Variants in ARRDC5 observed in about 807,000 individuals in gnomAD.
ARRDC5 encodes arrestin domain-containing protein 5.
In ARRDC5, 12 loss-of-function variants were observed where a neutral mutation model predicts 13.3. The ratio of observed to expected loss-of-function variants is 0.90; its 90% CI spans 0.58 to 1.46. The LOEUF (loss-of-function observed/expected upper bound fraction) is 1.46. Among genes scored for constraint, ARRDC5 ranks in the 40% most tolerant of loss-of-function variants. The pLI is 0.00. For missense variants in ARRDC5, 406 were observed against 418.7 expected (o/e 0.97, Z 0.26); for synonymous variants, 181 against 173.4 (o/e 1.04, Z -0.34).
intron 2 of ARRDC5, among the ~76,000 whole-genome samples, chr19:4,893,172 TATATA>T (rs1393270000): frequency 7.1e-6 from 1 of 141,456 alleles, no homozygotes; most frequent in African/African-American, 2.6e-5. Flanking sequence ...TATATTATTA[TATATA>T]ATATATTATA....
At chr19:4,911,041 ACACCCGCCGCCAG>A in the ARRDC5 span, 1 of 1,580,916 alleles carries the variant, frequency 6.3e-7, no homozygotes. Context: ...GCAAACAGGT[ACACCCGCCGCCAG>A]CACCTTTGTT....
At position 4,894,277 on chromosome 19, in the gene ARRDC5, C is replaced by T. The variant is rs1221897604; in HGVS notation, c.459+2394G>A. Among the ~76,000 whole-genome samples, 15 of 147,362 alleles carry T rather than the reference C, an allele frequency of 1.0e-4. No individual in the cohort carries two copies. The South Asian group carries it at 1.7e-3, about 17-fold the overall frequency. On this transcript the variant is annotated intron_variant, in intron 2 of 2. Transcript: ENST00000650722. ...CTGTAATCCCAGCACTTTGGGAGGCCGAGGCGGGCGGATCACAAGGTCAGG... is the reference window on the plus strand; with the variant it reads ...CTGTAATCCCAGCACTTTGGGAGGCTGAGGCGGGCGGATCACAAGGTCAGG...
chr19:4,909,800 ACCCTCGGGAATCGTT>A, the ARRDC5 span: 67 of 435,688 alleles, frequency 1.5e-4, no homozygotes, highest in African/African-American at 1.1e-3. Flanking sequence ...CTTCCACCTA[ACCCTCGGGAATCGTT>A]CCCCGGCACA....
the ARRDC5 span, among the ~76,000 whole-genome samples, chr19:4,908,546 T>C: frequency 6.6e-6 from 1 of 152,026 alleles, no homozygotes; most frequent in Non-Finnish European, 1.5e-5. Flanking sequence ...TTCCGGCCTC[T>C]GGGTTTGACT....
At chr19:4,913,588 G>A in the ARRDC5 span, among the ~76,000 whole-genome samples, 2 of 151,940 alleles carry the variant, frequency 1.3e-5, no homozygotes, top group Admixed American at 6.6e-5. Context: ...CAGGATGTCC[G>A]CAGTGATGAC....
chr19:4,900,649 C>A (rs2031884964), intron 1 of ARRDC5, among the ~76,000 whole-genome samples: 1 of 152,156 alleles, frequency 6.6e-6, no homozygotes, highest in Non-Finnish European at 1.5e-5. Flanking sequence ...TCCCTCCTAT[C>A]ACTCAGTTCT....
chr19:4,902,161 A>T (rs1328346072), intron 1 of ARRDC5, among the ~76,000 whole-genome samples: 1 of 152,106 alleles, frequency 6.6e-6, no homozygotes, highest in Non-Finnish European at 1.5e-5. Flanking sequence ...AAGTGCTGGA[A>T]TTACAGGTAT....
Position 4,891,344 on chromosome 19 carries a change from C to A in ARRDC5, c.689G>T (p.Arg230Leu), listed in dbSNP as rs761126721. The A allele has an allele frequency of 1.1e-5, 18 of 1,613,652 alleles. No individual in the cohort carries two copies. The highest frequency in any genetic ancestry group is 1.5e-5 in the Non-Finnish European group (18 of 1,179,874). The change falls in exon 3 of 3, where the codon CGG (arginine) becomes CTG (leucine). Residue 230 changes from arginine (R) to leucine (L), a missense_variant. By Grantham distance (102) the Arg-to-Leu change is moderately radical. Coordinates refer to ENST00000650722, the MANE Select transcript of ARRDC5 (RefSeq NM_001080523.3). ...CCTCAGAAGCTCGCTGCTGTCCAGC[C>A]GAGACCGCCGCTCTGCACTGGGCGT... ...GFTPSAERRS[R>L]LDSSELLRQE...
At chr19:4,911,105 C>A in the ARRDC5 span, 2 of 1,396,066 alleles carry the variant, frequency 1.4e-6, no homozygotes, top group South Asian at 1.6e-5. Flanking sequence ...AGCCACCAGC[C>A]GATACTTTCT....
chr19:4,907,104 G>T (rs2032079861), upstream of ARRDC5, among the ~76,000 whole-genome samples: 1 of 152,204 alleles, frequency 6.6e-6, no homozygotes, highest in Non-Finnish European at 1.5e-5. Context: ...CTCAGTGGCT[G>T]CAAAACACAC....
At chr19:4,895,534 A>T (rs967800914) in intron 2 of ARRDC5, among the ~76,000 whole-genome samples, 1 of 151,294 alleles carries the variant, frequency 6.6e-6, no homozygotes, top group African/African-American at 2.4e-5. Context: ...CTCCCTGGAG[A>T]TGTGAAGTGA....
rs370087011 is a variant in ARRDC5, at chr19:4,891,720, G to C, written c.460-147C>G. 31 of 691,582 alleles carry C rather than the reference G, an allele frequency of 4.5e-5. No homozygotes were observed. In the African/African-American group the frequency reaches 5.2e-4, roughly 12 times the overall value. The allele number at this position is 691,582 out of a possible 1,614,324, so 42.8% of individuals were successfully genotyped here. On this transcript the variant is annotated intron_variant, in intron 2 of 2. Coordinates refer to ENST00000650722, the MANE Select transcript of ARRDC5 (RefSeq NM_001080523.3). ...GCCTATAATCCCAACACCTTGGGAG[G>C]CCGAGGCGGGAGGATCACCATGTCA...
chr19:4,902,594 T>C lies in ARRDC5; in HGVS notation c.232A>G (p.Thr78Ala), dbSNP rs780554490. 5 of 1,613,976 alleles carry C rather than the reference T, an allele frequency of 3.1e-6. No homozygotes were observed. Among genetic ancestry groups the C allele is most frequent in the Admixed American group, 1.7e-5 (1 of 60,002 alleles). ...TTACCCTCCACTGGGAATGTCTTTG[T>C]CTTATGCACGTAGTCTGCCTTGTTG... ...CNNKADYVHK[T>A]KTFPVEDNWL... Residue 78 changes from threonine to alanine, a missense_variant, in exon 1 of 3, where the codon ACA (threonine) becomes GCA (alanine). Transcript: ENST00000650722.
the ARRDC5 span, among the ~76,000 whole-genome samples, chr19:4,916,174 C>T: frequency 2.6e-5 from 4 of 152,130 alleles, no homozygotes; most frequent in South Asian, 2.1e-4. Flanking sequence ...GGCATGGTGG[C>T]GCATGCCTGT....
the ARRDC5 span, among the ~76,000 whole-genome samples, chr19:4,916,375 C>T: frequency 3.3e-5 from 5 of 152,252 alleles, no homozygotes; most frequent in African/African-American, 1.2e-4. Flanking sequence ...CGCGCCCCCT[C>T]TTTTAGCTGT....
At chr19:4,914,015 ATGTTG>A in the ARRDC5 span, among the ~76,000 whole-genome samples, 2 of 151,890 alleles carry the variant, frequency 1.3e-5, no homozygotes, top group African/African-American at 4.8e-5. Flanking sequence ...GGGTTTCTCC[ATGTTG>A]GTCAGGCTGG....
chr19:4,892,282 G>A (rs1465676412), intron 2 of ARRDC5, among the ~76,000 whole-genome samples: 1 of 151,860 alleles, frequency 6.6e-6, no homozygotes, highest in Non-Finnish European at 1.5e-5. Context: ...GTAGAGACAG[G>A]GTTTCACTAT....
chr19:4,904,682 C>T (rs2032028970), upstream of ARRDC5, among the ~76,000 whole-genome samples: 1 of 152,236 alleles, frequency 6.6e-6, no homozygotes, highest in African/African-American at 2.4e-5. Context: ...GAGACCTTGT[C>T]TAAGTGAACT....
chr19:4,902,207 C>T (rs1169276290), intron 1 of ARRDC5, among the ~76,000 whole-genome samples: 1 of 127,158 alleles, frequency 7.9e-6, no homozygotes, highest in African/African-American at 2.7e-5. Context: ...ACTGTCTCTC[C>T]CCATGAATGC....
Sources: allele counts gnomAD v4.1 joint callset (sites outside exome capture counted in the v4.1 genomes callset), GRCh38; gene constraint gnomAD v4.1.1; transcripts MANE v1.5; gene names NCBI Gene and HGNC (gene_info 2026-07-23, HGNC 2026-07-21).